The following FLVCR1 variants were observed in gnomAD, a reference collection of about 807,000 sequenced individuals.
The protein encoded by FLVCR1 is FLVCR choline and heme transporter 1.
FLVCR1 carries 34 observed loss-of-function variants against 53.6 expected under a neutral mutation model. The observed-to-expected ratio is 0.63, with a 90% confidence interval of 0.48 to 0.84. FLVCR1 has a LOEUF of 0.84. Among genes scored for constraint, FLVCR1 ranks in the 40% least tolerant of loss-of-function variants. FLVCR1 has a pLI of 0.00. For synonymous variants in FLVCR1, 300 were observed against 286.3 expected, an observed-to-expected ratio of 1.05 and a Z score of -0.48; for missense variants, 677 against 696.7, an observed-to-expected ratio of 0.97 and a Z score of 0.32.
chr1:212,894,363 C>T (rs946426291), intron 8 of FLVCR1, among the ~76,000 whole-genome samples: 7 of 151,890 alleles, frequency 4.6e-5, no homozygotes, highest in South Asian at 4.2e-4. Flanking sequence ...CCGTGTTGGC[C>T]GGGATGGTCT....
chr1:212,897,881 G>C lies in FLVCR1; in HGVS notation c.*2591G>C, dbSNP rs904043805. On this transcript the variant is annotated 3_prime_UTR_variant, in exon 10 of 10. Transcript: ENST00000366971. Reference sequence around the variant, plus strand: ...TTACATTTCAATGTGAGATTGGAGGGACAAGTATCCCAACTATATCAGGCA... The same window carrying C: ...TTACATTTCAATGTGAGATTGGAGGCACAAGTATCCCAACTATATCAGGCA... 6.6e-6 allele frequency: 1 copy of C among 152,170 alleles called. No individual in the cohort carries two copies. The highest frequency in any genetic ancestry group is 1.9e-4 in the East Asian group (1 of 5,198). 9.4% of individuals were successfully genotyped at this position (152,170 alleles called of 1,614,324 possible).
intron 5 of FLVCR1, among the ~76,000 whole-genome samples, chr1:212,886,746 G>C (rs530765102): frequency 9.2e-5 from 14 of 152,236 alleles, no homozygotes; most frequent in Non-Finnish European, 2.1e-4. Flanking sequence ...GTTGCAGCGA[G>C]CTGAGATAGC....
chr1:212,886,052 T>TTTTTTC (rs1276226511), intron 5 of FLVCR1, among the ~76,000 whole-genome samples: 1 of 148,870 alleles, frequency 6.7e-6, no homozygotes, highest in African/African-American at 2.5e-5. Context: ...CTTTTTTTTT[T>TTTTTTC]TTTTTTTTAG....
chr1:212,865,980 GGTTTTTTTTTTT>G (rs1664409388), intron 2 of FLVCR1, among the ~76,000 whole-genome samples: 1 of 32,090 alleles, frequency 3.1e-5, no homozygotes, highest in Non-Finnish European at 8.8e-5. Context: ...TTTGGGGTTT[GGTTTTTTTTTTT>G]TTTTTTTTTT....
chr1:212,875,711 C>T (rs1405885772), intron 3 of FLVCR1, among the ~76,000 whole-genome samples: 6 of 151,556 alleles, frequency 4.0e-5, no homozygotes, highest in Non-Finnish European at 7.4e-5. Flanking sequence ...ATGGTGGGTG[C>T]GCACCTATAG....
In FLVCR1 at chr1:212,865,980, G is replaced by GTTT. The variant is rs1491202805; in HGVS notation, c.883+2111_883+2112insTTT. The stretch of plus-strand genomic sequence containing the variant: ...GGCATTTGGCTAATTTTTGGGGTTT[G>GTTT]GTTTTTTTTTTTTTTTTTTTTTGAG... On this transcript the variant is annotated intron_variant, in intron 2 of 9. Coordinates refer to ENST00000366971, the MANE Select transcript of FLVCR1 (RefSeq NM_014053.4). Among the ~76,000 whole-genome samples the GTTT allele has an allele frequency of 5.9e-4, 19 of 32,116 alleles. 3 individuals are homozygous for GTTT. In the East Asian group the frequency reaches 0.033, roughly 56 times the overall value. 21.1% of individuals were successfully genotyped at this position (32,116 alleles called of 152,430 possible).
chr1:212,863,993 C>G (rs1274758557), intron 2 of FLVCR1, 124 bp downstream of exon 2: 1 of 792,632 alleles, frequency 1.3e-6, no homozygotes, highest in Non-Finnish European at 2.1e-6. Flanking sequence ...TCTTCCATGC[C>G]CTGTCTTGCT....
At chr1:212,885,551 T>TTTTTTTTC (rs1390466595) in intron 5 of FLVCR1, 155 bp downstream of exon 5, 1 of 125,648 alleles carries the variant, frequency 8.0e-6, no homozygotes, top group Non-Finnish European at 1.3e-5. Context: ...CAAGTGTTTC[T>TTTTTTTTC]TTTTTTTTTT....
rs147751847 is a variant in FLVCR1 at position 212,891,706 on chromosome 1, G to A, written c.1525+2449G>A. ...ATTACCCCTACAGTGGCCTCCAGGT[G>A]TTTAAGCAAAAGGAAGAGTAGTAAA... On this transcript the variant is annotated intron_variant, in intron 8 of 9. Transcript: ENST00000366971. Among the ~76,000 whole-genome samples, 594 of 152,236 alleles carry A rather than the reference G, an allele frequency of 3.9e-3. 2 individuals are homozygous for A. Among genetic ancestry groups the A allele is most frequent in the African/African-American group, 0.014 (570 of 41,534 alleles).
chr1:212,858,954 C>G lies in FLVCR1; in HGVS notation c.502C>G (p.Leu168Val). 6.2e-7 allele frequency: 1 copy of G among 1,614,194 alleles called. No homozygotes were observed. The highest frequency in any genetic ancestry group is 8.5e-7 in the Non-Finnish European group (1 of 1,180,046). The part of the protein sequence containing the change: ...VPLIFPATWL[L>V]DTRGLRLTAL... ...CCTCATCTTCCCGGCCACCTGGCTG[C>G]TGGACACCAGAGGCCTGCGGCTCAC... The change falls in exon 1 of 10, where the codon CTG becomes GTG. Residue 168 changes from leucine (L) to valine (V), a missense_variant. Physicochemically the swap from Leu to Val is conservative, Grantham distance 32. Coordinates refer to ENST00000366971, the MANE Select transcript of FLVCR1 (RefSeq NM_014053.4).
chr1:212,889,140 T>C lies in FLVCR1; in HGVS notation c.1414-6T>C. 2 of 1,562,260 alleles carry C rather than the reference T, an allele frequency of 1.3e-6. No homozygotes were observed. The highest frequency in any genetic ancestry group is 1.8e-6 in the Non-Finnish European group (2 of 1,132,862). ...ATAACGAATGATTTTTCTTATTGTA[T>C]TTTAGATATTTGGAATTTTGTTCAC... On this transcript the variant is annotated splice_region_variant and splice_polypyrimidine_tract_variant and intron_variant, in intron 7 of 9. Transcript: ENST00000366971.
chr1:212,874,633 A>G (rs1202397617), intron 3 of FLVCR1, among the ~76,000 whole-genome samples: 2 of 149,692 alleles, frequency 1.3e-5, no homozygotes, highest in East Asian at 2.0e-4. Flanking sequence ...GGTTCAAGCA[A>G]TTCTCCTGCT....
chr1:212,877,131 C>CTTTTTTTTTTTTTTTTTTTTTTTTTTTT (rs55822947), intron 3 of FLVCR1, among the ~76,000 whole-genome samples: 1 of 94,626 alleles, frequency 1.1e-5, no homozygotes, highest in Non-Finnish European at 2.1e-5. Context: ...ACATAAATGT[C>CTTTTTTTTTTTTTTTTTTTTTTTTTTTT]TTTTTTTTTT....
chr1:212,880,678 A>T (rs1475921565), intron 3 of FLVCR1, among the ~76,000 whole-genome samples: 4 of 152,058 alleles, frequency 2.6e-5, no homozygotes, highest in Non-Finnish European at 5.9e-5. Flanking sequence ...GGCACCTGTA[A>T]TCCCAGCTAC....
At chr1:212,891,857 A>C (rs908222114) in intron 8 of FLVCR1, among the ~76,000 whole-genome samples, 1 of 152,248 alleles carries the variant, frequency 6.6e-6, no homozygotes, top group Non-Finnish European at 1.5e-5. Context: ...ATGCAAAGGA[A>C]AAATTCTTAA....
At chr1:212,877,478 G>T (rs992491214) in intron 3 of FLVCR1, among the ~76,000 whole-genome samples, 92 of 152,182 alleles carry the variant, frequency 6.0e-4, no homozygotes, top group African/African-American at 2.1e-3. Flanking sequence ...CTCCCAAAGT[G>T]CTGGGATTAC....
intron 1 of FLVCR1, among the ~76,000 whole-genome samples, chr1:212,862,782 A>G (rs41296706): frequency 6.6e-6 from 1 of 152,290 alleles, no homozygotes; most frequent in East Asian, 1.9e-4. Flanking sequence ...TGGCTGCACC[A>G]TTTTATAGTC....
intron 8 of FLVCR1, among the ~76,000 whole-genome samples, chr1:212,893,845 GGCTCACTGC>G: frequency 6.6e-6 from 1 of 152,184 alleles, no homozygotes; most frequent in East Asian, 1.9e-4. Flanking sequence ...GCGCCATCTG[GGCTCACTGC>G]AACCTCTGCC....
chr1:212,860,252 A>T (rs1664181145), intron 1 of FLVCR1, among the ~76,000 whole-genome samples: 2 of 152,088 alleles, frequency 1.3e-5, no homozygotes, highest in Admixed American at 1.3e-4. Context: ...AGTAGGTTGA[A>T]CTATAGTTGT....
Sources: gnomAD v4.1 joint callset for allele counts (sites outside exome capture counted in the v4.1 genomes callset) on GRCh38, gnomAD v4.1.1 for gene constraint, MANE v1.5 for transcripts, NCBI Gene and HGNC (gene_info 2026-07-23, HGNC 2026-07-21) for gene names.